DDX60: variants seen among roughly 807,000 people sequenced by gnomAD.
DDX60 encodes the protein DExD/H-box helicase 60.
Under a neutral mutation model 212.8 loss-of-function variants are expected in DDX60, and 165 were observed. The observed-to-expected ratio is 0.78, with a 90% CI of 0.68 to 0.88. The LOEUF (loss-of-function observed/expected upper bound fraction) is 0.88, where lower values mean the gene tolerates loss of function less well. DDX60 is among the 40% of genes least tolerant of loss of function. The probability of loss-of-function intolerance (pLI) is 0.00; values close to 1 mark genes in which losing one functional copy is unlikely to be tolerated. For synonymous variants in DDX60, 703 were observed against 685.3 expected (o/e 1.03, Z -0.40); for missense variants, 1,905 against 2,003.9 (o/e 0.95, Z 0.94).
At chr4:168,291,184 G>T (rs1245716739) in intron 8 of DDX60, among the ~76,000 whole-genome samples, 6 of 151,610 alleles carry the variant, frequency 4.0e-5, no homozygotes, top group Non-Finnish European at 8.8e-5. Flanking sequence ...AAAGGAAATA[G>T]AAAAACATGA....
Position 168,272,137 on chromosome 4 carries a change from AC to A in DDX60, c.2575del (p.Val859TyrfsTer22). 6.4e-7 allele frequency: 1 copy of A among 1,568,510 alleles called. No homozygotes were observed. Among genetic ancestry groups the A allele is most frequent in the Non-Finnish European group, 8.7e-7 (1 of 1,153,852 alleles). On this transcript the variant is annotated frameshift_variant and splice_region_variant, in exon 19 of 38. Coordinates refer to ENST00000393743, the MANE Select transcript of DDX60 (RefSeq NM_017631.6). LOFTEE classifies it high-confidence loss of function. ...AAAGCAGGCAGGCACTGTAATAAGT[AC>A]CTACAAAGAATAATATTGTGTGAAG... ...EYRHDALNCQ[V>X]LITVPACFEI...
chr4:168,246,366 A>G, intron 30 of DDX60, 52 bp downstream of exon 30: 1 of 1,604,466 alleles, frequency 6.2e-7, no homozygotes, highest in Non-Finnish European at 8.5e-7. Context: ...AGACCTGACT[A>G]AAGTCAGGCC....
intron 24 of DDX60, among the ~76,000 whole-genome samples, chr4:168,261,371 A>C (rs535618142): frequency 4.1e-4 from 62 of 152,330 alleles, no homozygotes; most frequent in African/African-American, 1.4e-3. Flanking sequence ...TGTAAATGAC[A>C]GAATAGCTAG....
chr4:168,318,548 T>C (rs995392239), intron 1 of DDX60, 74 bp downstream of exon 1: 13 of 152,344 alleles, frequency 8.5e-5, no homozygotes, highest in African/African-American at 3.1e-4. Flanking sequence ...GTCCGGTCCG[T>C]TGAAGAAGAC....
intron 37 of DDX60, among the ~76,000 whole-genome samples, chr4:168,220,185 A>G (rs943420549): frequency 2.0e-5 from 3 of 152,216 alleles, no homozygotes; most frequent in African/African-American, 7.2e-5. Context: ...GGAGGCCAAT[A>G]TGAAAGATCA....
intron 3 of DDX60, among the ~76,000 whole-genome samples, chr4:168,309,220 T>C (rs1360221062): frequency 6.6e-6 from 1 of 152,174 alleles, no homozygotes; most frequent in Admixed American, 6.5e-5. Flanking sequence ...TATTTTTCCA[T>C]CATGTTTATT....
chr4:168,321,240 C>T (rs1560891196), upstream of DDX60, among the ~76,000 whole-genome samples: 1 of 151,968 alleles, frequency 6.6e-6, no homozygotes, highest in African/African-American at 2.4e-5. Flanking sequence ...CTTTTAGACC[C>T]CTCCCTTTAT....
chr4:168,279,447 C>T (rs1434237417), intron 14 of DDX60, among the ~76,000 whole-genome samples: 1 of 152,226 alleles, frequency 6.6e-6, no homozygotes, highest in Non-Finnish European at 1.5e-5. Context: ...TGTTTGATTA[C>T]ATTCAATCAG....
At chr4:168,274,596 C>T (rs913319174) in intron 16 of DDX60, among the ~76,000 whole-genome samples, 2 of 152,098 alleles carry the variant, frequency 1.3e-5, no homozygotes, top group East Asian at 1.9e-4. Context: ...AAACCCCAAC[C>T]GGTCCACTCC....
chr4:168,317,759 C>T (rs1473441594), intron 1 of DDX60, among the ~76,000 whole-genome samples: 1 of 152,162 alleles, frequency 6.6e-6, no homozygotes, highest in South Asian at 2.1e-4. Flanking sequence ...TTAAAGGTAC[C>T]CTATACCTTC....
chr4:168,247,419 T>C (rs921600287), intron 29 of DDX60, among the ~76,000 whole-genome samples: 1 of 152,148 alleles, frequency 6.6e-6, no homozygotes, highest in Admixed American at 6.5e-5. Flanking sequence ...TGGGAAATGA[T>C]ATAAGAATGT....
chr4:168,225,282 A>G (rs1400327066), intron 34 of DDX60, among the ~76,000 whole-genome samples: 1 of 152,024 alleles, frequency 6.6e-6, no homozygotes, highest in Non-Finnish European at 1.5e-5. Context: ...GCCCTTACTC[A>G]GTTTTCCAGG....
chr4:168,250,466 TA>T (rs1265387077), intron 28 of DDX60, among the ~76,000 whole-genome samples: 1 of 150,636 alleles, frequency 6.6e-6, no homozygotes, highest in African/African-American at 2.4e-5. Context: ...CAAAAAGAGA[TA>T]AACTGAGTAG....
rs144196274 is a variant in DDX60, at chr4:168,292,926, A to T, written c.882+861T>A. ...AAATGTTTCACTAAAAATATATTCAATCTGATAATTGGAAAAACAATTATA... is the reference window on the plus strand; with the variant it reads ...AAATGTTTCACTAAAAATATATTCATTCTGATAATTGGAAAAACAATTATA... On this transcript the variant is annotated intron_variant, in intron 7 of 37. Transcript: ENST00000393743. 3.4e-3 allele frequency among the ~76,000 whole-genome samples: 525 copies of T among 152,352 alleles called. 2 individuals carry two copies. The highest frequency in any genetic ancestry group is 0.011 in the African/African-American group (475 of 41,580).
intron 22 of DDX60, among the ~76,000 whole-genome samples, chr4:168,264,223 C>T (rs1350684900): frequency 3.3e-5 from 5 of 152,150 alleles, no homozygotes; most frequent in African/African-American, 1.2e-4. Flanking sequence ...AATATTTTTA[C>T]TTCCACCCTA....
Position 168,280,455 on chromosome 4 carries a change from T to C in DDX60, c.1858A>G (p.Ile620Val). 2 of 1,614,204 alleles carry C rather than the reference T, an allele frequency of 1.2e-6. No individual in the cohort carries two copies. Among genetic ancestry groups the C allele is most frequent in the East Asian group, 2.2e-5 (1 of 44,878 alleles). ...TTCAAAAAATCTTCCAGGCTCTTTA[T>C]TCCAGAGTGTAAATTTTCTTTCAAT... Reference protein sequence around the residue: ...EQLKENLHSGIKSLEDFLKSC... With the variant: ...EQLKENLHSGVKSLEDFLKSC... Residue 620 changes from isoleucine to valine, a missense_variant, in exon 14 of 38, where the codon ATA (isoleucine) becomes GTA (valine). Ile to Val is a conservative substitution (Grantham distance 29, BLOSUM62 3). Transcript: ENST00000393743.
chr4:168,272,257 A>G (rs984719837), intron 18 of DDX60, 119 bp from the exon 19 acceptor site: 1 of 727,556 alleles, frequency 1.4e-6, no homozygotes, highest in Non-Finnish European at 2.3e-6. Context: ...TAATTGGCAT[A>G]TAACATTGCT....
chr4:168,275,643 C>T, intron 15 of DDX60, 140 bp from the exon 16 acceptor site: 1 of 714,822 alleles, frequency 1.4e-6, no homozygotes, highest in Non-Finnish European at 2.1e-6. Flanking sequence ...AAATCATTGT[C>T]TTAACTAGGT....
Position 168,248,761 on chromosome 4 carries a change from A to ATT in DDX60, c.3859-471_3859-470dup, listed in dbSNP as rs371912102. Among the ~76,000 whole-genome samples the ATT allele has an allele frequency of 1.9e-3, 280 of 146,438 alleles. 1 individual carries two copies. Among genetic ancestry groups the ATT allele is most frequent in the African/African-American group, 4.2e-3 (168 of 39,878 alleles). On this transcript the variant is annotated intron_variant, in intron 28 of 37. Coordinates refer to ENST00000393743, the MANE Select transcript of DDX60 (RefSeq NM_017631.6). The stretch of plus-strand genomic sequence containing the variant: ...CCTGACAACTGATAGGTGTTCAGTA[A>ATT]TTTTTTTTTTTTTTTGAGACGGAGT...
Sources: gnomAD v4.1 joint callset for allele counts (sites outside exome capture counted in the v4.1 genomes callset) on GRCh38, gnomAD v4.1.1 for gene constraint, MANE v1.5 for transcripts, NCBI Gene and HGNC (gene_info 2026-07-23, HGNC 2026-07-21) for gene names.